The following RBFOX1 variants were observed in gnomAD, a reference collection of about 807,000 sequenced individuals.
RBFOX1 encodes the protein RNA binding protein fox-1 homolog 1.
RBFOX1 carries 8 observed loss-of-function variants against 57.7 expected under a neutral mutation model. The ratio of observed to expected loss-of-function variants is 0.14; its 90% CI spans 0.08 to 0.25. The LOEUF (loss-of-function observed/expected upper bound fraction) is 0.25, where lower values mean the gene tolerates loss of function less well. RBFOX1 is among the 10% of genes least tolerant of loss of function. The pLI, the probability that RBFOX1 is intolerant of heterozygous loss-of-function variation, is 1.00. For synonymous variants in RBFOX1, 326 were observed against 222.4 expected, an observed-to-expected ratio of 1.47 and a Z score of -4.15; for missense variants, 611 against 548.5, an observed-to-expected ratio of 1.11 and a Z score of -1.14.
chr16:6,084,386 G>C (rs2096056384), intron 1 of RBFOX1, among the ~76,000 whole-genome samples: 1 of 152,010 alleles, frequency 6.6e-6, no homozygotes, highest in Non-Finnish European at 1.5e-5. Flanking sequence ...TGGGACCATA[G>C]CTATGAACAA....
intron 4 of RBFOX1, among the ~76,000 whole-genome samples, chr16:7,142,328 C>T (rs1226330161): frequency 6.6e-6 from 1 of 152,222 alleles, no homozygotes; most frequent in East Asian, 1.9e-4. Context: ...CTAGCCAAGT[C>T]CCATTTCACT....
intron 4 of RBFOX1, among the ~76,000 whole-genome samples, chr16:7,278,978 T>C (rs2095492075): frequency 6.6e-6 from 1 of 152,136 alleles, no homozygotes; most frequent in South Asian, 2.1e-4. Context: ...TTAAAAAATA[T>C]TTGATTATAT....
chr16:6,883,795 T>A (rs907319469), intron 3 of RBFOX1, among the ~76,000 whole-genome samples: 5 of 144,210 alleles, frequency 3.5e-5, no homozygotes, highest in Non-Finnish European at 7.6e-5. Context: ...AGTGAAGAGG[T>A]TTTTTTTTTT....
chr16:7,701,328 C>G (rs1253381794), intron 14 of RBFOX1, among the ~76,000 whole-genome samples: 1 of 151,836 alleles, frequency 6.6e-6, no homozygotes, highest in Admixed American at 6.6e-5. Flanking sequence ...AGCAACGCTT[C>G]CTGTTTGCAG....
At chr16:5,332,401 A>G (rs989684130) in intron 1 of RBFOX1, among the ~76,000 whole-genome samples, 14 of 151,894 alleles carry the variant, frequency 9.2e-5, no homozygotes, top group African/African-American at 3.1e-4. Flanking sequence ...ACCTGGAATT[A>G]CAGGTACATG....
intron 1 of RBFOX1, among the ~76,000 whole-genome samples, chr16:5,319,058 T>G (rs1429022173): frequency 6.6e-6 from 1 of 151,996 alleles, no homozygotes; most frequent in Non-Finnish European, 1.5e-5. Flanking sequence ...ACCTGGCAGG[T>G]GGAGGTTGCG....
chr16:5,892,566 G>A (rs1332938169), intron 4 of RBFOX1, among the ~76,000 whole-genome samples: 2 of 152,196 alleles, frequency 1.3e-5, no homozygotes, highest in Non-Finnish European at 2.9e-5. Context: ...CGAGCTGTGA[G>A]AAGTAAGCAG....
At chr16:6,577,599 C>T (rs2097459854) in intron 2 of RBFOX1, among the ~76,000 whole-genome samples, 1 of 152,206 alleles carries the variant, frequency 6.6e-6, no homozygotes, top group African/African-American at 2.4e-5. Flanking sequence ...AGAAGCTCTT[C>T]TGCATGTATT....
intron 4 of RBFOX1, among the ~76,000 whole-genome samples, chr16:7,081,936 C>T (rs1034403501): frequency 2.0e-5 from 3 of 152,076 alleles, no homozygotes; most frequent in African/African-American, 2.4e-5. Context: ...TGGAGTTTCT[C>T]CTAAAGGAGA....
intron 1 of RBFOX1, among the ~76,000 whole-genome samples, chr16:5,374,013 G>A (rs1262034938): frequency 1.3e-5 from 2 of 152,228 alleles, no homozygotes; most frequent in Non-Finnish European, 2.9e-5. Flanking sequence ...CAGCTTCTGG[G>A]TTCAAGCGAT....
chr16:6,334,298 C>T (rs920601495), intron 2 of RBFOX1, among the ~76,000 whole-genome samples: 5 of 151,746 alleles, frequency 3.3e-5, no homozygotes, highest in African/African-American at 1.2e-4. Flanking sequence ...TCCTGAGCTC[C>T]GGAGTTTGAG....
At chr16:5,870,386 A>AAAT (rs1050924125) in intron 4 of RBFOX1, among the ~76,000 whole-genome samples, 22 of 150,464 alleles carry the variant, frequency 1.5e-4, no homozygotes, top group African/African-American at 5.4e-4. Context: ...AAAAAAAAAA[A>AAAT]AAAAAATGAA....
intron 2 of RBFOX1, among the ~76,000 whole-genome samples, chr16:6,593,506 C>A (rs1205219757): frequency 6.6e-6 from 1 of 152,126 alleles, no homozygotes; most frequent in Non-Finnish European, 1.5e-5. Context: ...AGAATTGAGC[C>A]TCAGGCTGAC....
chr16:7,299,362 C>T (rs960034025), intron 4 of RBFOX1, among the ~76,000 whole-genome samples: 6 of 152,166 alleles, frequency 3.9e-5, no homozygotes, highest in Non-Finnish European at 5.9e-5. Flanking sequence ...GTATTGCCTG[C>T]GCTTGTATTT....
At chr16:6,647,543 C>G (rs2098543753) in intron 2 of RBFOX1, among the ~76,000 whole-genome samples, 1 of 152,120 alleles carries the variant, frequency 6.6e-6, no homozygotes, top group African/African-American at 2.4e-5. Flanking sequence ...CCACCACACC[C>G]AGCCAAGGGC....
intron 5 of RBFOX1, among the ~76,000 whole-genome samples, chr16:7,550,685 T>G (rs544518865): frequency 5.8e-4 from 89 of 152,256 alleles, no homozygotes; most frequent in African/African-American, 2.0e-3. Context: ...TGGACGAATA[T>G]GCACCATGTC....
chr16:7,098,404 A>C (rs1052901169), intron 4 of RBFOX1, among the ~76,000 whole-genome samples: 5 of 152,082 alleles, frequency 3.3e-5, no homozygotes, highest in Admixed American at 1.3e-4. Flanking sequence ...TCCTGACCTC[A>C]AGTGATCCAC....
At chr16:6,179,758 T>C (rs1410170555) in intron 1 of RBFOX1, among the ~76,000 whole-genome samples, 4 of 152,188 alleles carry the variant, frequency 2.6e-5, no homozygotes, top group Non-Finnish European at 5.9e-5. Context: ...CAAAACTTAG[T>C]GTATCAAGAT....
chr16:7,532,794 T>A (rs1005695216), intron 5 of RBFOX1, among the ~76,000 whole-genome samples: 7 of 152,206 alleles, frequency 4.6e-5, no homozygotes, highest in Non-Finnish European at 8.8e-5. Flanking sequence ...GACAGCAACT[T>A]TGAGTAATTG....
Sources: allele counts gnomAD v4.1 joint callset (sites outside exome capture counted in the v4.1 genomes callset), GRCh38; gene constraint gnomAD v4.1.1; transcripts MANE v1.5; gene names NCBI Gene and HGNC (gene_info 2026-07-23, HGNC 2026-07-21).